The following ST6GAL1 variants were observed in gnomAD, a reference collection of about 807,000 sequenced individuals.
The protein encoded by ST6GAL1 is beta-galactoside alpha-2,6-sialyltransferase 1.
ST6GAL1 carries 20 observed loss-of-function variants against 38.0 expected under a neutral mutation model. The observed-to-expected ratio is 0.53, with a 90% confidence interval of 0.37 to 0.77. The LOEUF (loss-of-function observed/expected upper bound fraction) is 0.77, where lower values mean the gene tolerates loss of function less well. Among genes scored for constraint, ST6GAL1 ranks in the 30% least tolerant of loss-of-function variants. The pLI is 0.00. For missense variants in ST6GAL1, 432 were observed against 496.4 expected, an observed-to-expected ratio of 0.87 and a Z score of 1.23; for synonymous variants, 196 against 188.2, an observed-to-expected ratio of 1.04 and a Z score of -0.34.
intron 2 of ST6GAL1, among the ~76,000 whole-genome samples, chr3:187,027,592 C>T (rs533307429): frequency 1.4e-4 from 22 of 152,152 alleles, no homozygotes; most frequent in Non-Finnish European, 2.4e-4. Context: ...TGTTTTATTC[C>T]GGCCCCCCTT....
At chr3:186,940,942 G>A (rs1351997922) in intron 1 of ST6GAL1, among the ~76,000 whole-genome samples, 1 of 152,144 alleles carries the variant, frequency 6.6e-6, no homozygotes, top group East Asian at 1.9e-4. Flanking sequence ...AAATGTCAGT[G>A]GGTTAAATGA....
chr3:187,054,495 G>T (rs756932853), intron 5 of ST6GAL1, among the ~76,000 whole-genome samples: 5 of 152,174 alleles, frequency 3.3e-5, no homozygotes, highest in Non-Finnish European at 5.9e-5. Context: ...TTCATTGAGA[G>T]TTTTTAGCAT....
chr3:187,035,163 A>C (rs184411561), intron 2 of ST6GAL1, among the ~76,000 whole-genome samples: 1 of 152,322 alleles, frequency 6.6e-6, no homozygotes, highest in East Asian at 1.9e-4. Context: ...AGTCGCAACA[A>C]AATTTTAAAT....
intron 2 of ST6GAL1, among the ~76,000 whole-genome samples, chr3:186,964,847 G>A (rs1053621719): frequency 6.6e-6 from 1 of 152,112 alleles, no homozygotes; most frequent in African/African-American, 2.4e-5. Flanking sequence ...TGGGGCATCC[G>A]GCAAATCACC....
chr3:187,024,484 A>T (rs1717451107), intron 2 of ST6GAL1, among the ~76,000 whole-genome samples: 1 of 64,686 alleles, frequency 1.5e-5, no homozygotes, highest in Admixed American at 1.5e-4. Context: ...GTATATATAT[A>T]TATATATATA....
intron 2 of ST6GAL1, among the ~76,000 whole-genome samples, chr3:187,001,967 A>C (rs1451528580): frequency 1.3e-5 from 2 of 151,274 alleles, no homozygotes; most frequent in African/African-American, 2.4e-5. Context: ...AAAAAAAAAA[A>C]AAAACCCAAA....
At position 186,948,528 on chromosome 3, in the gene ST6GAL1, AGTGTGTGTGTGTGTGT is replaced by A. The variant is rs36234165; in HGVS notation, c.-324-15230_-324-15215del. On this transcript the variant is annotated intron_variant, in intron 1 of 7. Coordinates refer to ENST00000169298, the MANE Select transcript of ST6GAL1 (RefSeq NM_173216.2). ...ATGCTCTTGGGGGTTCAGAAACTCT[AGTGTGTGTGTGTGTGT>A]GTGTGTGTGTGTGTGTGTGTGTGTG... Among the ~76,000 whole-genome samples the A allele has an allele frequency of 9.6e-5, 14 of 146,348 alleles. No homozygotes were observed. The South Asian group carries it at 1.6e-3, about 16-fold the overall frequency.
At chr3:187,013,930 G>A (rs1717040201) in intron 2 of ST6GAL1, among the ~76,000 whole-genome samples, 2 of 152,174 alleles carry the variant, frequency 1.3e-5, no homozygotes, top group Admixed American at 1.3e-4. Context: ...CTCGTGTTTA[G>A]CCAAAGATAA....
chr3:187,017,950 AT>A (rs1717171838), intron 2 of ST6GAL1, among the ~76,000 whole-genome samples: 2 of 152,142 alleles, frequency 1.3e-5, no homozygotes, highest in African/African-American at 4.8e-5. Flanking sequence ...TATCTTCGGT[AT>A]TTCAGTAGAA....
chr3:187,062,904 G>A (rs58445667), intron 5 of ST6GAL1, among the ~76,000 whole-genome samples: 23,343 of 152,110 alleles, frequency 0.15, 3,480 homozygotes, highest in African/African-American at 0.39. Context: ...ACTTTATATG[G>A]AACACCTGGA....
intron 2 of ST6GAL1, among the ~76,000 whole-genome samples, chr3:187,027,914 A>G (rs887925895): frequency 1.3e-5 from 2 of 152,186 alleles, no homozygotes; most frequent in Admixed American, 6.5e-5. Context: ...TAGGTTTTGG[A>G]AGCTAGGTGA....
At chr3:186,943,883 C>T (rs1714267754) in intron 1 of ST6GAL1, among the ~76,000 whole-genome samples, 1 of 152,240 alleles carries the variant, frequency 6.6e-6, no homozygotes. Context: ...ATGTCTCAGC[C>T]TCCACTTCAG....
intron 1 of ST6GAL1, among the ~76,000 whole-genome samples, chr3:186,955,719 T>C (rs951317371): frequency 1.3e-5 from 2 of 152,140 alleles, no homozygotes; most frequent in Non-Finnish European, 1.5e-5. Flanking sequence ...GCCAGGATGG[T>C]CTTGATCTCT....
At chr3:186,941,576 A>G (rs1027754040) in intron 1 of ST6GAL1, among the ~76,000 whole-genome samples, 3 of 152,142 alleles carry the variant, frequency 2.0e-5, no homozygotes, top group African/African-American at 7.2e-5. Context: ...TGCAGACGGG[A>G]GAAGCAAGAT....
chr3:186,970,946 G>A (rs1715327505), intron 2 of ST6GAL1, among the ~76,000 whole-genome samples: 1 of 152,166 alleles, frequency 6.6e-6, no homozygotes, highest in Non-Finnish European at 1.5e-5. Context: ...AAGTTGCATG[G>A]TGAGCATATT....
intron 5 of ST6GAL1, among the ~76,000 whole-genome samples, chr3:187,054,266 C>G (rs577375061): frequency 6.6e-6 from 1 of 152,156 alleles, no homozygotes. Flanking sequence ...TCGACTTCCT[C>G]TTTTCCTAAT....
intron 2 of ST6GAL1, among the ~76,000 whole-genome samples, chr3:186,999,859 T>C (rs561525480): frequency 6.6e-6 from 1 of 152,208 alleles, no homozygotes; most frequent in South Asian, 2.1e-4. Context: ...ATTTATATTT[T>C]TTTTAGAGAC....
At chr3:187,060,155 C>T (rs16861556) in intron 5 of ST6GAL1, among the ~76,000 whole-genome samples, 2,580 of 152,088 alleles carry the variant, frequency 0.017, 81 homozygotes, top group African/African-American at 0.058. Context: ...GGTGCTGCAC[C>T]GAGGCATCTT....
chr3:186,944,335 G>C (rs1702053780), intron 1 of ST6GAL1, among the ~76,000 whole-genome samples: 1 of 152,154 alleles, frequency 6.6e-6, no homozygotes. Flanking sequence ...CTTTAAGGAT[G>C]AGTAGGAGTT....
Sources: allele counts gnomAD v4.1 joint callset (sites outside exome capture counted in the v4.1 genomes callset), GRCh38; gene constraint gnomAD v4.1.1; transcripts MANE v1.5; gene names NCBI Gene and HGNC (gene_info 2026-07-23, HGNC 2026-07-21).